Variants in RPH3AL observed in about 807,000 individuals in gnomAD.
RPH3AL encodes rabphilin 3A like (without C2 domains).
In RPH3AL, 38 loss-of-function variants were observed where a neutral mutation model predicts 43.1. The ratio of observed to expected loss-of-function variants is 0.88; its 90% CI spans 0.68 to 1.15. The LOEUF (loss-of-function observed/expected upper bound fraction) is 1.15. RPH3AL is among the 50% of genes most tolerant of loss of function. The pLI, the probability that RPH3AL is intolerant of heterozygous loss-of-function variation, is 0.00. For missense variants in RPH3AL, 462 were observed against 423.2 expected (o/e 1.09, Z -0.81); for synonymous variants, 189 against 176.3 (o/e 1.07, Z -0.57).
At chr17:318,558 G>A (rs896747145) in intron 5 of RPH3AL, among the ~76,000 whole-genome samples, 1 of 151,894 alleles carries the variant, frequency 6.6e-6, no homozygotes, top group African/African-American at 2.4e-5. Context: ...AACCTAGGAG[G>A]AGCAGGAGTA....
At chr17:233,145 G>A (rs1025305822) in intron 7 of RPH3AL, among the ~76,000 whole-genome samples, 2 of 152,042 alleles carry the variant, frequency 1.3e-5, no homozygotes, top group Non-Finnish European at 2.9e-5. Flanking sequence ...TGTGTGGCAC[G>A]TGTGCGTGTG....
intron 5 of RPH3AL, among the ~76,000 whole-genome samples, chr17:292,034 C>T (rs1054383307): frequency 2.0e-5 from 3 of 152,166 alleles, no homozygotes; most frequent in Non-Finnish European, 4.4e-5. Context: ...CATTTTTTGA[C>T]CAGGTCTGGA....
At chr17:217,336 G>C (rs2040833059) in intron 8 of RPH3AL, among the ~76,000 whole-genome samples, 1 of 96,074 alleles carries the variant, frequency 1.0e-5, no homozygotes, top group African/African-American at 2.8e-5. Flanking sequence ...TTATTACAGA[G>C]CCCTTCTTCT....
chr17:289,540 G>A lies in RPH3AL; in HGVS notation c.352-7686C>T, dbSNP rs943535969. On this transcript the variant is annotated intron_variant, in intron 5 of 9. Coordinates refer to ENST00000331302, the MANE Select transcript of RPH3AL (RefSeq NM_006987.4). The surrounding 1 kb of genome is among the most constrained non-coding windows in gnomAD (Gnocchi z 5.2). ...TGGTTCCCGACATGGCAGCCAGGCC[G>A]ATTTTCTCAAGAGGCAAATCTAATC... 5.9e-5 allele frequency among the ~76,000 whole-genome samples: 9 copies of A among 152,136 alleles called. No homozygotes were observed. The highest frequency in any genetic ancestry group is 1.0e-4 in the Non-Finnish European group (7 of 68,034).
intron 5 of RPH3AL, among the ~76,000 whole-genome samples, chr17:313,724 C>G (rs2043715322): frequency 6.6e-6 from 1 of 152,178 alleles, no homozygotes; most frequent in Admixed American, 6.5e-5. Context: ...CCATCTCGTT[C>G]ACGGCGTCGG....
In RPH3AL at chr17:303,408, A is replaced by G. The variant is rs867161169; in HGVS notation, c.351+16012T>C. Among the ~76,000 whole-genome samples, 4 of 152,220 alleles carry G rather than the reference A, an allele frequency of 2.6e-5. No homozygotes were observed. The Middle Eastern group carries it at 0.01, about 388-fold the overall frequency. Reference sequence around the variant, plus strand: ...CCTGTCTCAAAAAAACAATCACGAAAAAAAAAAAGATTTAACAACTTTGCA... The same window carrying G: ...CCTGTCTCAAAAAAACAATCACGAAGAAAAAAAAGATTTAACAACTTTGCA... On this transcript the variant is annotated intron_variant, in intron 5 of 9. Coordinates refer to ENST00000331302, the MANE Select transcript of RPH3AL (RefSeq NM_006987.4).
Position 346,727 on chromosome 17 carries a change from T to C in RPH3AL, c.-213+5985A>G, listed in dbSNP as rs576272923. 2.8e-4 allele frequency among the ~76,000 whole-genome samples: 38 copies of C among 135,666 alleles called. 10 individuals are homozygous for C. Among genetic ancestry groups the C allele is most frequent in the Non-Finnish European group, 5.0e-4 (30 of 59,566 alleles). 89.0% of individuals were successfully genotyped at this position (135,666 alleles called of 152,430 possible). On this transcript the variant is annotated intron_variant, in intron 1 of 9. Coordinates refer to ENST00000331302, the MANE Select transcript of RPH3AL (RefSeq NM_006987.4). The stretch of plus-strand genomic sequence containing the variant: ...AAGTCAGAGACAATAAATAAGATTA[T>C]AAATAGAAAAACACTATTTTGTAAA...
In RPH3AL at chr17:299,824, C is replaced by T. The variant is rs118051170; in HGVS notation, c.352-17970G>A. On this transcript the variant is annotated intron_variant, in intron 5 of 9. Coordinates refer to ENST00000331302, the MANE Select transcript of RPH3AL (RefSeq NM_006987.4). ...AACGGCCGCTGAGTGGATTTGCCAA[C>T]GATGCTTCTTCCTGCTGCCAGAGGC... 4.1e-3 allele frequency among the ~76,000 whole-genome samples: 619 copies of T among 152,370 alleles called. 6 individuals are homozygous for T. The highest frequency in any genetic ancestry group is 0.014 in the African/African-American group (595 of 41,588).
chr17:337,120 T>C (rs1440887278), intron 1 of RPH3AL, among the ~76,000 whole-genome samples: 3 of 50,416 alleles, frequency 6.0e-5, no homozygotes, highest in East Asian at 1.2e-3. Context: ...TACGCACCAA[T>C]AATTTTTTTT....
intron 6 of RPH3AL, among the ~76,000 whole-genome samples, chr17:272,842 A>T (rs1446734719): frequency 6.6e-6 from 1 of 151,498 alleles, no homozygotes; most frequent in Non-Finnish European, 1.5e-5. Context: ...TTTTTAGTCA[A>T]TCAACAAGCA....
chr17:324,420 G>A (rs1199917841), intron 3 of RPH3AL, among the ~76,000 whole-genome samples: 1 of 152,214 alleles, frequency 6.6e-6, no homozygotes, highest in African/African-American at 2.4e-5. Flanking sequence ...CCATGCAGCT[G>A]ACGGAGGCCG....
At chr17:236,662 C>A (rs1455816793) in intron 7 of RPH3AL, among the ~76,000 whole-genome samples, 1 of 152,240 alleles carries the variant, frequency 6.6e-6, no homozygotes, top group African/African-American at 2.4e-5. Context: ...TCTGTCTCCT[C>A]GCGGCCTCGC....
chr17:310,434 T>C (rs560585092), intron 5 of RPH3AL, among the ~76,000 whole-genome samples: 3 of 152,258 alleles, frequency 2.0e-5, no homozygotes, highest in Admixed American at 6.5e-5. Flanking sequence ...TCCCCAACCA[T>C]GCCTGGGCCT....
At chr17:281,526 C>G (rs1240852585) in intron 6 of RPH3AL, among the ~76,000 whole-genome samples, 2 of 151,984 alleles carry the variant, frequency 1.3e-5, no homozygotes, top group African/African-American at 2.4e-5. Flanking sequence ...ACGTGTAGAA[C>G]CTGCCACCCC....
At chr17:302,160 G>T (rs72806047) in intron 5 of RPH3AL, among the ~76,000 whole-genome samples, 2 of 152,354 alleles carry the variant, frequency 1.3e-5, no homozygotes, top group Admixed American at 6.5e-5. Context: ...CGGCATCTGC[G>T]GACTGCGAGG....
intron 7 of RPH3AL, among the ~76,000 whole-genome samples, chr17:231,856 C>T (rs529115136): frequency 7.9e-5 from 12 of 152,372 alleles, no homozygotes; most frequent in South Asian, 2.1e-4. Context: ...TCCTGACCTC[C>T]GTGGTGTGGC....
chr17:324,676 T>C (rs920306178), intron 3 of RPH3AL, among the ~76,000 whole-genome samples: 3 of 151,776 alleles, frequency 2.0e-5, no homozygotes, highest in Non-Finnish European at 2.9e-5. Context: ...TCTTTCTTTC[T>C]ATCTTTCTAT....
chr17:257,549 C>T (rs1366116070), intron 6 of RPH3AL, among the ~76,000 whole-genome samples: 1 of 37,636 alleles, frequency 2.7e-5, no homozygotes, highest in African/African-American at 8.2e-5. Context: ...TGTCCTTTTC[C>T]GTCCCTAGGA....
intron 5 of RPH3AL, among the ~76,000 whole-genome samples, chr17:297,969 A>G (rs1598040329): frequency 6.6e-6 from 1 of 151,522 alleles, no homozygotes; most frequent in East Asian, 1.9e-4. Flanking sequence ...CCTGGCCCCC[A>G]CCTCTCTCTA....
Sources: allele counts gnomAD v4.1 joint callset (sites outside exome capture counted in the v4.1 genomes callset), GRCh38; gene constraint gnomAD v4.1.1; non-coding constraint Gnocchi (gnomAD v3.1); transcripts MANE v1.5; gene names NCBI Gene and HGNC (gene_info 2026-07-23, HGNC 2026-07-21).